Variants in PHACTR1 observed in about 807,000 individuals in gnomAD.
The protein encoded by PHACTR1 is RPEL repeat containing 1.
PHACTR1 carries 16 observed loss-of-function variants against 69.2 expected under a neutral mutation model. The observed-to-expected ratio is 0.23, with a 90% CI of 0.16 to 0.35. The LOEUF (loss-of-function observed/expected upper bound fraction) is 0.35. Among genes scored for constraint, PHACTR1 ranks in the 10% least tolerant of loss-of-function variants. The pLI, the probability that PHACTR1 is intolerant of heterozygous loss-of-function variation, is 1.00. For missense variants in PHACTR1, 510 were observed against 734.7 expected, an observed-to-expected ratio of 0.69 and a Z score of 3.54; for synonymous variants, 312 against 284.5, an observed-to-expected ratio of 1.10 and a Z score of -0.97.
At chr6:13,222,047 A>G (rs1358980845) in intron 8 of PHACTR1, among the ~76,000 whole-genome samples, 3 of 151,922 alleles carry the variant, frequency 2.0e-5, no homozygotes, top group African/African-American at 7.3e-5. Flanking sequence ...AAAAAAAAAA[A>G]GAATGAACAA....
Position 13,286,130 on chromosome 6 carries a change from C to A in PHACTR1, c.1651-16C>A. 6.3e-7 allele frequency: 1 copy of A among 1,591,486 alleles called. No homozygotes were observed. On this transcript the variant is annotated splice_polypyrimidine_tract_variant and intron_variant, in intron 13 of 14. Coordinates refer to ENST00000332995, the MANE Select transcript of PHACTR1 (RefSeq NM_030948.6). ...CTCTCTCCCATTGCACATTGATGGG[C>A]TTCTGTTGATTCCAGGCTGCCATCC... is the stretch of plus-strand genomic sequence containing the variant.
At chr6:13,254,309 T>C (rs1446181228) in intron 10 of PHACTR1, among the ~76,000 whole-genome samples, 3 of 152,190 alleles carry the variant, frequency 2.0e-5, no homozygotes, top group Non-Finnish European at 4.4e-5. Context: ...TTGCAAACAT[T>C]AGAGGTTATG....
intron 5 of PHACTR1, among the ~76,000 whole-genome samples, chr6:13,135,783 C>T (rs981175209): frequency 2.0e-5 from 3 of 151,780 alleles, no homozygotes; most frequent in Non-Finnish European, 4.4e-5. Context: ...CTTTGGGAGG[C>T]TGAGGGAAGG....
At chr6:13,265,025 A>G (rs79375100) in intron 10 of PHACTR1, 1 of 9,654 alleles carries the variant, frequency 1.0e-4, no homozygotes, top group East Asian at 5.8e-4. Flanking sequence ...CCCATCTCTG[A>G]AAAAAAAAAA....
chr6:13,062,261 C>A (rs1013486359), intron 5 of PHACTR1, among the ~76,000 whole-genome samples: 5 of 152,144 alleles, frequency 3.3e-5, no homozygotes, highest in Admixed American at 2.6e-4. Context: ...CAGTCCTCTC[C>A]CTAAGACCCC....
chr6:13,205,280 GC>G (rs887008655), intron 7 of PHACTR1, among the ~76,000 whole-genome samples: 1 of 152,086 alleles, frequency 6.6e-6, no homozygotes, highest in Non-Finnish European at 1.5e-5. Context: ...GCTCGAACTC[GC>G]TCACACCCAC....
At position 13,231,098 on chromosome 6, in the gene PHACTR1, GGGA is replaced by G. The variant is rs1477553787; in HGVS notation, c.1391+906_1391+908del. Among the ~76,000 whole-genome samples the G allele has an allele frequency of 2.5e-4, 12 of 47,740 alleles. 2 individuals carry two copies. Among genetic ancestry groups the G allele is most frequent in the African/African-American group, 3.5e-4 (5 of 14,432 alleles). 31.3% of individuals were successfully genotyped at this position (47,740 alleles called of 152,430 possible). ...AAGGAAGGAAGGAAGAAGGAAGGAA[GGGA>G]AAAGAAAGAAGGAAAGAGAGAAAGA... On this transcript the variant is annotated intron_variant, in intron 10 of 14. Transcript: ENST00000332995.
intron 4 of PHACTR1, among the ~76,000 whole-genome samples, chr6:13,009,232 T>G (rs1160885894): frequency 6.6e-6 from 1 of 152,146 alleles, no homozygotes; most frequent in Non-Finnish European, 1.5e-5. Context: ...AAAGACACTT[T>G]TGCCAAATAA....
At chr6:13,035,449 C>G (rs1428325604) in intron 4 of PHACTR1, among the ~76,000 whole-genome samples, 2 of 151,868 alleles carry the variant, frequency 1.3e-5, no homozygotes, top group African/African-American at 4.8e-5. Context: ...ACCTAACAAC[C>G]CATTTTACTG....
At chr6:13,064,610 A>ATATATC (rs1808313715) in intron 5 of PHACTR1, among the ~76,000 whole-genome samples, 8 of 9,268 alleles carry the variant, frequency 8.6e-4, no homozygotes, top group Non-Finnish European at 1.3e-3. Context: ...ATATATCTAT[A>ATATATC]TATCTATCTA....
At chr6:13,150,499 G>A (rs748279639) in intron 5 of PHACTR1, among the ~76,000 whole-genome samples, 28 of 152,138 alleles carry the variant, frequency 1.8e-4, no homozygotes, top group Non-Finnish European at 4.0e-4. Flanking sequence ...GGTAGTGAAA[G>A]ACCCAATATG....
At chr6:13,054,183 C>T (rs1200255637) in intron 5 of PHACTR1, among the ~76,000 whole-genome samples, 1 of 152,212 alleles carries the variant, frequency 6.6e-6, no homozygotes, top group African/African-American at 2.4e-5. Flanking sequence ...TTTATTAATG[C>T]TGTGCCTCAG....
At chr6:12,841,477 C>G (rs1312335006) in intron 4 of PHACTR1, among the ~76,000 whole-genome samples, 1 of 152,152 alleles carries the variant, frequency 6.6e-6, no homozygotes, top group African/African-American at 2.4e-5. Context: ...ACTTCTAATG[C>G]AGAGGAGAAG....
At chr6:13,197,037 A>G (rs1764534487) in intron 7 of PHACTR1, among the ~76,000 whole-genome samples, 1 of 152,226 alleles carries the variant, frequency 6.6e-6, no homozygotes, top group South Asian at 2.1e-4. Context: ...AAGCCCTATT[A>G]GCAACACTGC....
Position 12,844,894 on chromosome 6 carries a change from C to G in PHACTR1, c.250+95104C>G, listed in dbSNP as rs1779052787. On this transcript the variant is annotated intron_variant, in intron 4 of 14. Coordinates refer to ENST00000332995, the MANE Select transcript of PHACTR1 (RefSeq NM_030948.6). The stretch of plus-strand genomic sequence containing the variant: ...AAACCTGTCCCCTCTGCTTAGCCCT[C>G]TAGTGGTGGGAACAAATAAAAACAT... 2.6e-5 allele frequency among the ~76,000 whole-genome samples: 4 copies of G among 152,220 alleles called. No individual in the cohort carries two copies. In the South Asian group the frequency reaches 8.3e-4, roughly 32 times the overall value.
intron 1 of PHACTR1, 122 bp downstream of exon 1, chr6:12,717,018 T>C (rs1761457860): frequency 6.6e-6 from 1 of 152,152 alleles, no homozygotes; most frequent in South Asian, 2.1e-4. Flanking sequence ...CTATAATATG[T>C]CTTTCAGAAT....
chr6:12,806,404 A>G (rs1774335570), intron 4 of PHACTR1, among the ~76,000 whole-genome samples: 1 of 152,046 alleles, frequency 6.6e-6, no homozygotes, highest in African/African-American at 2.4e-5. Context: ...CTTTAATTTC[A>G]CTTCCCTTCC....
chr6:13,108,429 C>G (rs905066081), intron 5 of PHACTR1, among the ~76,000 whole-genome samples: 2 of 152,018 alleles, frequency 1.3e-5, no homozygotes, highest in African/African-American at 2.4e-5. Context: ...CATGTCATTA[C>G]TGTGTCTTTG....
At chr6:12,856,006 A>G (rs1780316761) in intron 4 of PHACTR1, among the ~76,000 whole-genome samples, 1 of 152,140 alleles carries the variant, frequency 6.6e-6, no homozygotes, top group Admixed American at 6.5e-5. Flanking sequence ...ATAGTCACAA[A>G]CAAAAGCTGC....
Sources: allele counts gnomAD v4.1 joint callset (sites outside exome capture counted in the v4.1 genomes callset), GRCh38; gene constraint gnomAD v4.1.1; transcripts MANE v1.5; gene names NCBI Gene and HGNC (gene_info 2026-07-23, HGNC 2026-07-21).